ROBO1: variants seen among roughly 807,000 people sequenced by gnomAD.
ROBO1 encodes the protein roundabout homolog 1.
A neutral mutation model predicts 195.9 loss-of-function variants in ROBO1; 149 were observed. The ratio of observed to expected loss-of-function variants is 0.76; its 90% confidence interval spans 0.67 to 0.87. The LOEUF is 0.87. Ranked by LOEUF, ROBO1 falls within the 40% of genes least tolerant of loss-of-function variation. The pLI is 0.00. For synonymous variants in ROBO1, 816 were observed against 733.2 expected, an observed-to-expected ratio of 1.11 and a Z score of -1.82; for missense variants, 1,933 against 2,068.3, an observed-to-expected ratio of 0.93 and a Z score of 1.27.
At chr3:79,123,074 G>A (rs769573684) in intron 3 of ROBO1, among the ~76,000 whole-genome samples, 2 of 151,916 alleles carry the variant, frequency 1.3e-5, no homozygotes, top group Admixed American at 6.6e-5. Flanking sequence ...AATGACTTAC[G>A]TGAAAATTGC....
rs544195599 is a variant in ROBO1, at chr3:78,945,144, C to T, written c.173-6217G>A. Among the ~76,000 whole-genome samples, 3 of 152,310 alleles carry T rather than the reference C, an allele frequency of 2.0e-5. No individual in the cohort carries two copies. The South Asian group carries it at 6.2e-4, about 32-fold the overall frequency. ...CAGTAACCTCTGCAGATTTAAATGT[C>T]CCTCTCTGACAGCTTTGAAGAGAGT... On this transcript the variant is annotated intron_variant, in intron 3 of 30. Coordinates refer to ENST00000464233, the MANE Select transcript of ROBO1 (RefSeq NM_002941.4).
chr3:78,711,361 TCCTTCCTTC>T (rs1559772962), intron 8 of ROBO1, among the ~76,000 whole-genome samples: 10 of 40,292 alleles, frequency 2.5e-4, no homozygotes, highest in African/African-American at 9.8e-4. Flanking sequence ...CTTCCTTCCT[TCCTTCCTTC>T]CTTCCTTCCT....
At chr3:79,340,198 G>A (rs1184808742) in intron 2 of ROBO1, among the ~76,000 whole-genome samples, 16 of 152,060 alleles carry the variant, frequency 1.1e-4, no homozygotes. Flanking sequence ...CTTGAACCTG[G>A]ATGTACCCAA....
At position 79,152,592 on chromosome 3, in the gene ROBO1, C is replaced by T. The variant is rs574065741; in HGVS notation, c.89-27053G>A. Among the ~76,000 whole-genome samples, 40 of 151,890 alleles carry T rather than the reference C, an allele frequency of 2.6e-4. No homozygotes were observed. The South Asian group carries it at 4.1e-3, about 16-fold the overall frequency. ...TATTGTATAATAATCATTCATTATACGCAATGACTATTTATTGTACTTCTA... is the reference window on the plus strand; with the variant it reads ...TATTGTATAATAATCATTCATTATATGCAATGACTATTTATTGTACTTCTA... On this transcript the variant is annotated intron_variant, in intron 2 of 30. Transcript: ENST00000464233.
intron 4 of ROBO1, among the ~76,000 whole-genome samples, chr3:78,851,725 A>G (rs1294766328): frequency 6.6e-6 from 1 of 152,214 alleles, no homozygotes; most frequent in East Asian, 1.9e-4. Flanking sequence ...GATCCTCATC[A>G]ATATAAAGTA....
At chr3:78,885,937 A>ATATATATATG (rs2036540308) in intron 4 of ROBO1, among the ~76,000 whole-genome samples, 1 of 145,782 alleles carries the variant, frequency 6.9e-6, no homozygotes, top group African/African-American at 2.5e-5. Flanking sequence ...ATATATATAT[A>ATATATATATG]TATACATACA....
chr3:79,443,828 G>A (rs915993461), intron 2 of ROBO1, among the ~76,000 whole-genome samples: 1 of 151,858 alleles, frequency 6.6e-6, no homozygotes, highest in Non-Finnish European at 1.5e-5. Context: ...ATGAGATAGA[G>A]CACACAGGGT....
intron 1 of ROBO1, among the ~76,000 whole-genome samples, chr3:79,732,894 T>C (rs907087296): frequency 6.6e-6 from 1 of 152,204 alleles, no homozygotes; most frequent in African/African-American, 2.4e-5. Flanking sequence ...GCAATATGTA[T>C]GCTGAAGACT....
chr3:78,706,303 ATG>A (rs1203873185), intron 8 of ROBO1, among the ~76,000 whole-genome samples: 1 of 151,934 alleles, frequency 6.6e-6, no homozygotes, highest in Admixed American at 6.6e-5. Flanking sequence ...GATAAGCTAC[ATG>A]GTGGTGTATA....
chr3:79,609,220 A>G (rs1944580994), intron 1 of ROBO1, among the ~76,000 whole-genome samples: 1 of 151,918 alleles, frequency 6.6e-6, no homozygotes, highest in Admixed American at 6.6e-5. Context: ...TTACCAAAAT[A>G]TCACCATTTT....
intron 2 of ROBO1, among the ~76,000 whole-genome samples, chr3:79,476,035 G>A (rs558797425): frequency 2.5e-4 from 38 of 152,012 alleles, no homozygotes; most frequent in Non-Finnish European, 4.9e-4. Context: ...ACAAGGAACT[G>A]AAACAAATAA....
intron 4 of ROBO1, among the ~76,000 whole-genome samples, chr3:78,914,357 C>G (rs893262894): frequency 3.0e-4 from 45 of 152,004 alleles, no homozygotes; most frequent in African/African-American, 1.1e-3. Context: ...TACGCAAATT[C>G]AAAGGTTAAC....
In ROBO1 at chr3:78,827,000, A is replaced by G. The variant is rs147142878; in HGVS notation, c.500-80100T>C. ...ACATACTTATACGTACTTAAATTTT[A>G]TTTATATTATATAAAACAAAGAGGA... On this transcript the variant is annotated intron_variant, in intron 4 of 30. Transcript: ENST00000464233. Among the ~76,000 whole-genome samples, 372 of 152,262 alleles carry G rather than the reference A, an allele frequency of 2.4e-3. 3 individuals are homozygous for G. Among genetic ancestry groups the G allele is most frequent in the African/African-American group, 8.4e-3 (349 of 41,560 alleles).
chr3:79,461,660 G>T (rs760978377), intron 2 of ROBO1, among the ~76,000 whole-genome samples: 1 of 152,104 alleles, frequency 6.6e-6, no homozygotes, highest in Non-Finnish European at 1.5e-5. Context: ...ATAATGAAAT[G>T]TTTGTTGCTT....
At chr3:78,904,607 GAGTGAACGAAAAA>G (rs1442735264) in intron 4 of ROBO1, among the ~76,000 whole-genome samples, 8 of 151,196 alleles carry the variant, frequency 5.3e-5, no homozygotes, top group African/African-American at 1.2e-4. Context: ...GTAAAGGTTG[GAGTGAACGAAAAA>G]ATGGCAAGAA....
intron 3 of ROBO1, among the ~76,000 whole-genome samples, chr3:79,115,339 G>A (rs905492642): frequency 1.2e-4 from 19 of 152,122 alleles, no homozygotes; most frequent in African/African-American, 4.1e-4. Flanking sequence ...TAACAACAAA[G>A]TCTGGGTAAG....
intron 2 of ROBO1, among the ~76,000 whole-genome samples, chr3:79,429,484 C>T (rs180933165): frequency 6.6e-6 from 1 of 152,204 alleles, no homozygotes; most frequent in Non-Finnish European, 1.5e-5. Flanking sequence ...GGCCCACAAA[C>T]ACGCAAAGCC....
chr3:79,434,773 T>C (rs1384478604), intron 2 of ROBO1, among the ~76,000 whole-genome samples: 3 of 152,290 alleles, frequency 2.0e-5, no homozygotes, highest in East Asian at 3.9e-4. Context: ...CGTATGTTTA[T>C]TGTGGCACTA....
intron 3 of ROBO1, among the ~76,000 whole-genome samples, chr3:79,015,044 A>G (rs192380934): frequency 4.7e-4 from 72 of 152,320 alleles, no homozygotes; most frequent in African/African-American, 1.7e-3. Flanking sequence ...TAAATTACAT[A>G]AGAATATTTC....
Sources: allele counts gnomAD v4.1 joint callset (sites outside exome capture counted in the v4.1 genomes callset), GRCh38; gene constraint gnomAD v4.1.1; transcripts MANE v1.5; gene names NCBI Gene and HGNC (gene_info 2026-07-23, HGNC 2026-07-21).